The following AUTS2 variants were observed in gnomAD, a reference collection of about 807,000 sequenced individuals.
AUTS2 encodes activator of transcription and developmental regulator AUTS2.
Under a neutral mutation model 112.4 loss-of-function variants are expected in AUTS2, and 17 were observed. The ratio of observed to expected loss-of-function variants is 0.15; its 90% CI spans 0.10 to 0.23. The LOEUF (loss-of-function observed/expected upper bound fraction) is 0.23, where lower values mean the gene tolerates loss of function less well. AUTS2 is among the 10% of genes least tolerant of loss of function. AUTS2 has a pLI of 1.00. For synonymous variants in AUTS2, 751 were observed against 702.7 expected (o/e 1.07, Z -1.09); for missense variants, 1,510 against 1,701.6 (o/e 0.89, Z 1.98).
intron 5 of AUTS2, among the ~76,000 whole-genome samples, chr7:70,563,632 G>A (rs1316591765): frequency 1.3e-5 from 2 of 152,206 alleles, no homozygotes; most frequent in East Asian, 3.9e-4. Context: ...TGGCGGAGAG[G>A]GATTGGGCCC....
chr7:70,408,315 A>C (rs66973794), intron 4 of AUTS2, among the ~76,000 whole-genome samples: 14,542 of 152,242 alleles, frequency 0.096, 789 homozygotes, highest in Middle Eastern at 0.18. Flanking sequence ...GAAATGGTTC[A>C]TAGGGTGAGC....
intron 2 of AUTS2, among the ~76,000 whole-genome samples, chr7:69,993,603 G>A (rs982014406): frequency 5.9e-5 from 9 of 152,092 alleles, no homozygotes; most frequent in African/African-American, 2.2e-4. Flanking sequence ...GTATAGTGGT[G>A]TGTACCTGTG....
chr7:70,716,041 C>T (rs1004052276), intron 6 of AUTS2, among the ~76,000 whole-genome samples: 1 of 152,196 alleles, frequency 6.6e-6, no homozygotes, highest in African/African-American at 2.4e-5. Flanking sequence ...AAACCTGAAT[C>T]GTGTTTGGTC....
intron 6 of AUTS2, among the ~76,000 whole-genome samples, chr7:70,742,073 A>T (rs939937248): frequency 1.1e-4 from 16 of 152,224 alleles, no homozygotes; most frequent in Non-Finnish European, 2.2e-4. Context: ...GTGTCGCAGC[A>T]GCTCCTGTTT....
At chr7:70,680,103 C>T (rs1808130953) in intron 5 of AUTS2, among the ~76,000 whole-genome samples, 1 of 152,058 alleles carries the variant, frequency 6.6e-6, no homozygotes, top group East Asian at 1.9e-4. Flanking sequence ...CAGGAAATTC[C>T]ATGAGAGTGG....
At chr7:70,378,200 A>G (rs930388757) in intron 4 of AUTS2, among the ~76,000 whole-genome samples, 2 of 152,184 alleles carry the variant, frequency 1.3e-5, no homozygotes, top group African/African-American at 4.8e-5. Context: ...ATGAATGGAC[A>G]CTTGGTTGCT....
intron 5 of AUTS2, among the ~76,000 whole-genome samples, chr7:70,548,924 A>AC (rs34014627): frequency 1.5e-3 from 184 of 126,622 alleles, no homozygotes; most frequent in East Asian, 7.7e-3. Flanking sequence ...GTCAATTTCT[A>AC]CCCCCCCCCC....
intron 1 of AUTS2, among the ~76,000 whole-genome samples, chr7:69,670,688 G>T (rs1161461852): frequency 6.6e-6 from 1 of 151,282 alleles, no homozygotes; most frequent in Non-Finnish European, 1.5e-5. Flanking sequence ...ACCAATCTGG[G>T]TAACATAATC....
intron 4 of AUTS2, among the ~76,000 whole-genome samples, chr7:70,326,836 C>T (rs1790508548): frequency 6.6e-6 from 1 of 151,706 alleles, no homozygotes; most frequent in South Asian, 2.1e-4. Context: ...GGCTTTTAAA[C>T]GATCTCAGTA....
At chr7:70,524,381 A>G (rs1171784353) in intron 5 of AUTS2, among the ~76,000 whole-genome samples, 1 of 152,234 alleles carries the variant, frequency 6.6e-6, no homozygotes. Context: ...GGAGAGATAA[A>G]ATAATAAAAT....
intron 1 of AUTS2, among the ~76,000 whole-genome samples, chr7:69,783,345 T>C (rs1374844260): frequency 6.6e-6 from 1 of 152,120 alleles, no homozygotes; most frequent in Non-Finnish European, 1.5e-5. Flanking sequence ...GGGTTTCTAC[T>C]GTGGTCCTTG....
In AUTS2 at chr7:69,599,888, G is replaced by A; in HGVS notation, c.235G>A (p.Glu79Lys). 6.2e-7 allele frequency: 1 copy of A among 1,613,508 alleles called. No homozygotes were observed. Among genetic ancestry groups the A allele is most frequent in the South Asian group, 1.1e-5 (1 of 91,086 alleles). Residue 79 changes from glutamate to lysine, a missense_variant, in exon 1 of 19, where the codon GAG (glutamate) becomes AAG (lysine). By Grantham distance (56) the Glu-to-Lys change is moderately conservative (BLOSUM62 1). This residue lies in a region of AUTS2 where 535 missense variants were observed against 594.3 expected (regional missense o/e 0.90). Coordinates refer to ENST00000342771, the MANE Select transcript of AUTS2 (RefSeq NM_015570.4). The surrounding 1 kb of genome is among the most constrained non-coding windows in gnomAD (Gnocchi z 7.0). ...RPRPPRRKRRESTSAEEDIID... is the reference protein window; with the variant it reads ...RPRPPRRKRRKSTSAEEDIID... ...CAGACCCCCGCGGAGGAAGCGGAGA[G>A]AGTCCACCTCGGCAGAAGAGGACAT...
intron 4 of AUTS2, among the ~76,000 whole-genome samples, chr7:70,356,358 TTTC>T (rs11468457): frequency 0.33 from 50,408 of 151,922 alleles, 9,528 homozygotes; most frequent in African/African-American, 0.53. Flanking sequence ...TAGCCTCTAA[TTTC>T]TTCTGTTTCT....
At chr7:69,806,197 CTTT>C (rs56704400) in intron 1 of AUTS2, among the ~76,000 whole-genome samples, 798 of 55,028 alleles carry the variant, frequency 0.015, 23 homozygotes, top group African/African-American at 0.045. Flanking sequence ...CCAGCCAAGG[CTTT>C]TTTTTTTTTT....
chr7:70,348,744 T>G (rs866290549), intron 4 of AUTS2, among the ~76,000 whole-genome samples: 16 of 152,142 alleles, frequency 1.1e-4, no homozygotes, highest in African/African-American at 1.7e-4. Context: ...CCGGGAGGCG[T>G]TGCTTGCAGT....
intron 5 of AUTS2, among the ~76,000 whole-genome samples, chr7:70,473,295 A>G (rs1797461550): frequency 6.6e-6 from 1 of 152,242 alleles, no homozygotes; most frequent in Non-Finnish European, 1.5e-5. Flanking sequence ...AACCAGAGTA[A>G]ACGTTAGCCT....
chr7:69,783,820 T>G (rs1789248321), intron 1 of AUTS2, among the ~76,000 whole-genome samples: 1 of 152,192 alleles, frequency 6.6e-6, no homozygotes, highest in South Asian at 2.1e-4. Flanking sequence ...TTTGATCATT[T>G]GAATAGGTAT....
chr7:69,939,500 A>G (rs1268806731), intron 2 of AUTS2, among the ~76,000 whole-genome samples: 1 of 152,202 alleles, frequency 6.6e-6, no homozygotes, highest in East Asian at 1.9e-4. Context: ...GCCAGGGGAT[A>G]AACTTGATAC....
intron 2 of AUTS2, among the ~76,000 whole-genome samples, chr7:70,117,104 G>GTTTTTTTTTTTTTTTTTTTTTTTTTTTT (rs61076536): frequency 2.5e-5 from 2 of 78,460 alleles, no homozygotes. Flanking sequence ...GATGACTTTT[G>GTTTTTTTTTTTTTTTTTTTTTTTTTTTT]TTTTTTTTTT....
Sources: gnomAD v4.1 joint callset for allele counts (sites outside exome capture counted in the v4.1 genomes callset) on GRCh38, gnomAD v4.1.1 for gene constraint, gnomAD v4.1.1 regional missense constraint, Gnocchi (gnomAD v3.1) non-coding constraint, MANE v1.5 for transcripts, NCBI Gene and HGNC (gene_info 2026-07-23, HGNC 2026-07-21) for gene names.